Variants in RBFOX1 observed in about 807,000 individuals in gnomAD.
The protein encoded by RBFOX1 is RNA binding fox-1 homolog 1, also known as RNA binding protein fox-1 homolog 1.
A neutral mutation model predicts 57.7 loss-of-function variants in RBFOX1; 8 were observed. The ratio of observed to expected loss-of-function variants is 0.14; its 90% CI spans 0.08 to 0.25. The LOEUF is 0.25. Among genes scored for constraint, RBFOX1 ranks in the 10% least tolerant of loss-of-function variants. RBFOX1 has a pLI of 1.00. For synonymous variants in RBFOX1, 326 were observed against 222.4 expected (o/e 1.47, Z -4.15); for missense variants, 611 against 548.5 (o/e 1.11, Z -1.14).
At chr16:5,819,477 C>A (rs1016932017) in intron 3 of RBFOX1, among the ~76,000 whole-genome samples, 3 of 152,184 alleles carry the variant, frequency 2.0e-5, no homozygotes, top group African/African-American at 7.2e-5. Flanking sequence ...AAAGCATGAC[C>A]TCACTGTGCC....
intron 2 of RBFOX1, among the ~76,000 whole-genome samples, chr16:5,550,554 C>A (rs2045421379): frequency 6.6e-6 from 1 of 152,116 alleles, no homozygotes; most frequent in Non-Finnish European, 1.5e-5. Context: ...TTATTTCAGA[C>A]CTGTCACATT....
intron 4 of RBFOX1, among the ~76,000 whole-genome samples, chr16:5,937,645 A>T (rs540639013): frequency 6.7e-6 from 1 of 150,238 alleles, no homozygotes; most frequent in South Asian, 2.1e-4. Context: ...AGTTTTATAT[A>T]TATAGCTACA....
chr16:6,734,959 G>A (rs376193905), intron 3 of RBFOX1, among the ~76,000 whole-genome samples: 1 of 152,168 alleles, frequency 6.6e-6, no homozygotes, highest in African/African-American at 2.4e-5. Context: ...GGGCAACACA[G>A]TGAGACTGTG....
chr16:5,912,183 T>C (rs2058617327), intron 4 of RBFOX1, among the ~76,000 whole-genome samples: 1 of 152,142 alleles, frequency 6.6e-6, no homozygotes, highest in Non-Finnish European at 1.5e-5. Context: ...TGACTTAGCC[T>C]CTCTGAGCCT....
chr16:7,545,003 T>C (rs972782721), intron 5 of RBFOX1, among the ~76,000 whole-genome samples: 2 of 152,096 alleles, frequency 1.3e-5, no homozygotes, highest in Non-Finnish European at 2.9e-5. Flanking sequence ...AACAGAGCTG[T>C]TGTGAGGACT....
At chr16:6,730,412 C>T (rs1170089896) in intron 3 of RBFOX1, among the ~76,000 whole-genome samples, 1 of 152,144 alleles carries the variant, frequency 6.6e-6, no homozygotes, top group Non-Finnish European at 1.5e-5. Flanking sequence ...CATCTGTCAT[C>T]TCTCTATCTC....
chr16:5,956,010 C>G (rs972821066), intron 4 of RBFOX1, among the ~76,000 whole-genome samples: 2 of 152,054 alleles, frequency 1.3e-5, no homozygotes, highest in African/African-American at 4.8e-5. Context: ...GCCTGTAATC[C>G]CAGTACTTTG....
chr16:6,699,318 A>T lies in RBFOX1; in HGVS notation c.-16+44668A>T, dbSNP rs1019258. Among the ~76,000 whole-genome samples, 36 of 150,438 alleles carry T rather than the reference A, an allele frequency of 2.4e-4. 2 individuals are homozygous for T. The highest frequency in any genetic ancestry group is 2.7e-4 in the African/African-American group (11 of 40,886). On this transcript the variant is annotated intron_variant, in intron 3 of 15. Coordinates refer to ENST00000550418, the MANE Select transcript of RBFOX1 (RefSeq NM_018723.4). The stretch of plus-strand genomic sequence containing the variant: ...ATGTTACTTTTTTTTTTTTTTTTAA[A>T]GTGACTTTCAGGATCAGTGACTAAA...
At chr16:6,947,567 T>C (rs72774217) in intron 3 of RBFOX1, among the ~76,000 whole-genome samples, 8,081 of 152,290 alleles carry the variant, frequency 0.053, 305 homozygotes, top group Non-Finnish European at 0.072. Context: ...TGAGTTCCTG[T>C]TGCCCTTCCT....
At chr16:7,083,871 G>C (rs544744458) in intron 4 of RBFOX1, among the ~76,000 whole-genome samples, 1 of 152,218 alleles carries the variant, frequency 6.6e-6, no homozygotes, top group South Asian at 2.1e-4. Flanking sequence ...ACCATCCTGA[G>C]GAATGGTGAC....
intron 3 of RBFOX1, among the ~76,000 whole-genome samples, chr16:6,795,878 T>C (rs1384258226): frequency 6.6e-6 from 1 of 152,154 alleles, no homozygotes; most frequent in East Asian, 1.9e-4. Flanking sequence ...ACCCCCTGCC[T>C]TCCCTTTCCT....
intron 1 of RBFOX1, among the ~76,000 whole-genome samples, chr16:5,449,294 T>C (rs2068349127): frequency 6.6e-6 from 1 of 152,188 alleles, no homozygotes; most frequent in South Asian, 2.1e-4. Flanking sequence ...GACGCCTACT[T>C]ATCTGAGCCT....
At chr16:6,071,470 C>G (rs933726) in intron 1 of RBFOX1, among the ~76,000 whole-genome samples, 32,306 of 152,004 alleles carry the variant, frequency 0.21, 4,411 homozygotes, top group Non-Finnish European at 0.3. Flanking sequence ...ACAACAAACC[C>G]CAATAACATG....
chr16:5,266,420 C>G (rs187059736), intron 1 of RBFOX1, among the ~76,000 whole-genome samples: 8 of 151,978 alleles, frequency 5.3e-5, no homozygotes, highest in Admixed American at 5.2e-4. Context: ...AGGACAATGT[C>G]AGGTGAAATA....
At chr16:7,280,050 A>T (rs951941070) in intron 4 of RBFOX1, among the ~76,000 whole-genome samples, 2 of 152,192 alleles carry the variant, frequency 1.3e-5, no homozygotes, top group African/African-American at 4.8e-5. Context: ...TCCCGCTGCG[A>T]TTGGATCTGT....
At chr16:6,861,577 T>C (rs1306300456) in intron 3 of RBFOX1, among the ~76,000 whole-genome samples, 1 of 148,250 alleles carries the variant, frequency 6.7e-6, no homozygotes, top group African/African-American at 2.5e-5. Context: ...TAGGCTCTCA[T>C]TTCATATGAA....
chr16:7,440,862 T>C (rs1284938579), intron 4 of RBFOX1, among the ~76,000 whole-genome samples: 1 of 152,146 alleles, frequency 6.6e-6, no homozygotes, highest in Non-Finnish European at 1.5e-5. Flanking sequence ...TGGCCTAATA[T>C]GCCAACTTCT....
intron 3 of RBFOX1, among the ~76,000 whole-genome samples, chr16:5,680,190 G>A (rs1202536013): frequency 1.3e-5 from 2 of 152,222 alleles, no homozygotes; most frequent in South Asian, 4.1e-4. Context: ...GCTTGCAGGG[G>A]CATTGCTGCA....
rs138051000 is a variant in RBFOX1 at position 5,396,130 on chromosome 16, T to C, written c.220-71086T>C. On this transcript the variant is annotated intron_variant, in intron 1 of 2. Transcript: ENST00000585867. The stretch of plus-strand genomic sequence containing the variant: ...CCCCCAGGGTTATGATAATCTGTTA[T>C]GTAGCAAATCAGTAACTAACTCAAT... 5.8e-3 allele frequency among the ~76,000 whole-genome samples: 884 copies of C among 152,320 alleles called. 12 individuals are homozygous for C. The highest frequency in any genetic ancestry group is 0.02 in the African/African-American group (837 of 41,564).
Sources: allele counts gnomAD v4.1 joint callset (sites outside exome capture counted in the v4.1 genomes callset), GRCh38; gene constraint gnomAD v4.1.1; transcripts MANE v1.5; gene names NCBI Gene and HGNC (gene_info 2026-07-23, HGNC 2026-07-21).